Variants in DMD observed in about 807,000 individuals in gnomAD.
The protein encoded by DMD is dystrophin.
DMD carries 63 observed loss-of-function variants against 330.1 expected under a neutral mutation model. The observed-to-expected ratio is 0.19, with a 90% CI of 0.16 to 0.24. DMD has a LOEUF of 0.24. Ranked by LOEUF, DMD falls within the 10% of genes least tolerant of loss-of-function variation. DMD has a pLI of 1.00. For missense variants in DMD, 3,344 were observed against 2,684.1 expected (o/e 1.25, Z -5.43); for synonymous variants, 1,223 against 959.8 (o/e 1.27, Z -5.07).
chrX:32,707,555 C>A lies in DMD; in HGVS notation c.650-8262G>T, dbSNP rs201277292. 8.9e-5 allele frequency among the ~76,000 whole-genome samples: 10 copies of A among 111,818 alleles called. No homozygotes were observed. In the Admixed American group the frequency reaches 9.5e-4, roughly 11 times the overall value. ...AAGTTTTTCAAAAATCAAATTTCTG[C>A]CGTGTGCCCTAATCAACAGGAAAAG... On this transcript the variant is annotated intron_variant, in intron 7 of 78. Transcript: ENST00000357033.
chrX:32,583,342 A>C (rs777672297), intron 13 of DMD, among the ~76,000 whole-genome samples: 1 of 110,259 alleles, frequency 9.1e-6, no homozygotes, highest in African/African-American at 3.3e-5. Flanking sequence ...CTCAAAATAC[A>C]AAAAAAATTA....
chrX:33,163,468 G>A (rs923876974), intron 1 of DMD, among the ~76,000 whole-genome samples: 3 of 108,386 alleles, frequency 2.8e-5, no homozygotes, highest in Admixed American at 1.0e-4. Flanking sequence ...CCCAGGAGGC[G>A]GAGGTTGCAG....
At chrX:32,524,107 T>G (rs1461576270) in intron 17 of DMD, among the ~76,000 whole-genome samples, 1 of 108,944 alleles carries the variant, frequency 9.2e-6, no homozygotes, top group African/African-American at 3.4e-5. Context: ...TAATTTTTTT[T>G]GTATTTTTAG....
chrX:32,464,470 A>T (rs2098394468), intron 24 of DMD, 116 bp downstream of exon 24: 1 of 564,541 alleles, frequency 1.8e-6, no homozygotes, highest in African/African-American at 2.3e-5. Context: ...AGAAACATTA[A>T]AAAAAATCCA....
chrX:32,461,690 A>T (rs2098383849), intron 25 of DMD, among the ~76,000 whole-genome samples: 1 of 110,468 alleles, frequency 9.1e-6, no homozygotes, highest in Non-Finnish European at 1.9e-5. Context: ...CTTGCTCTAC[A>T]TAAATTGGTG....
intron 2 of DMD, among the ~76,000 whole-genome samples, chrX:32,973,129 C>T (rs937541478): frequency 1.8e-4 from 20 of 112,040 alleles, no homozygotes; most frequent in Admixed American, 9.5e-5. Flanking sequence ...CAAATTCTTC[C>T]AAATGTCAAC....
In DMD at chrX:31,983,790, A is replaced by G. The variant is rs1284632427; in HGVS notation, c.6439-15276T>C. Among the ~76,000 whole-genome samples, 15 of 112,210 alleles carry G rather than the reference A, an allele frequency of 1.3e-4. No homozygotes were observed. The Admixed American group carries it at 1.4e-3, about 11-fold the overall frequency. On this transcript the variant is annotated intron_variant, in intron 44 of 78. Coordinates refer to ENST00000357033, the MANE Select transcript of DMD (RefSeq NM_004006.3). Reference sequence around the variant, plus strand: ...GCTTTCATATACTTCATAAAGTGCTATCAGATGATTGTTCCATTTGAGATC... The same window carrying G: ...GCTTTCATATACTTCATAAAGTGCTGTCAGATGATTGTTCCATTTGAGATC...
At chrX:33,130,102 A>G (rs903180304) in intron 1 of DMD, among the ~76,000 whole-genome samples, 1 of 112,180 alleles carries the variant, frequency 8.9e-6, no homozygotes, top group African/African-American at 3.2e-5. Flanking sequence ...AAAGTAGTTA[A>G]TTGCAGAAGT....
At chrX:32,785,923 A>G (rs1056437715) in intron 7 of DMD, among the ~76,000 whole-genome samples, 2 of 110,827 alleles carry the variant, frequency 1.8e-5, no homozygotes, top group Non-Finnish European at 3.8e-5. Context: ...CAAATGCCCA[A>G]TCGTTATTTT....
At chrX:32,744,654 A>C (rs112109439) in intron 7 of DMD, among the ~76,000 whole-genome samples, 45 of 111,331 alleles carry the variant, frequency 4.0e-4, no homozygotes, top group Admixed American at 8.6e-4. Context: ...TATCATACAG[A>C]TCATCCTAGC....
chrX:32,571,865 A>G (rs1221231220), intron 15 of DMD, among the ~76,000 whole-genome samples: 1 of 109,073 alleles, frequency 9.2e-6, no homozygotes, highest in Non-Finnish European at 1.9e-5. Context: ...TAACATTCTA[A>G]TGTTTCTCTT....
At chrX:31,365,229 T>A (rs939701196) in intron 60 of DMD, among the ~76,000 whole-genome samples, 11 of 110,797 alleles carry the variant, frequency 9.9e-5, no homozygotes, top group Non-Finnish European at 2.1e-4. Flanking sequence ...TCACATTCCC[T>A]GTTGCTAATA....
chrX:32,799,654 T>C (rs532750177), intron 7 of DMD, among the ~76,000 whole-genome samples: 10 of 106,992 alleles, frequency 9.3e-5, no homozygotes, highest in African/African-American at 3.1e-4. Flanking sequence ...AGAGAAACAA[T>C]GTATATGAAA....
chrX:32,101,370 G>A (rs2148101926), intron 44 of DMD, among the ~76,000 whole-genome samples: 1 of 111,169 alleles, frequency 9.0e-6, no homozygotes, highest in Admixed American at 9.6e-5. Context: ...CTACGAAGAA[G>A]CTCGGAAACC....
intron 25 of DMD, 134 bp downstream of exon 25, chrX:32,463,305 T>A: frequency 4.2e-6 from 2 of 474,367 alleles, no homozygotes; most frequent in East Asian, 8.1e-5. Context: ...AAAGATTAAT[T>A]TGTCAGAATT....
chrX:33,108,489 C>A (rs1425417882), intron 1 of DMD, among the ~76,000 whole-genome samples: 2 of 104,633 alleles, frequency 1.9e-5, no homozygotes, highest in Non-Finnish European at 3.9e-5. Flanking sequence ...CTGGCTCAAA[C>A]TCCTGATCTC....
intron 32 of DMD, among the ~76,000 whole-genome samples, chrX:32,387,041 G>A (rs1329614408): frequency 9.1e-6 from 1 of 110,097 alleles, no homozygotes; most frequent in African/African-American, 3.3e-5. Context: ...AGAAAGTAAG[G>A]TCCTTTTCAA....
At chrX:31,429,715 C>T (rs1316356055) in intron 60 of DMD, among the ~76,000 whole-genome samples, 1 of 109,854 alleles carries the variant, frequency 9.1e-6, no homozygotes, top group East Asian at 2.9e-4. Flanking sequence ...TGTTCCTCTA[C>T]ACAAGGAACA....
At chrX:31,216,570 C>T (rs2045430959) in intron 64 of DMD, among the ~76,000 whole-genome samples, 1 of 111,969 alleles carries the variant, frequency 8.9e-6, no homozygotes, top group Non-Finnish European at 1.9e-5. Context: ...AGGACAGTGG[C>T]AAAATAATTA....
Sources: gnomAD v4.1 joint callset for allele counts (sites outside exome capture counted in the v4.1 genomes callset) on GRCh38, gnomAD v4.1.1 for gene constraint, MANE v1.5 for transcripts, NCBI Gene and HGNC (gene_info 2026-07-23, HGNC 2026-07-21) for gene names.